The following ZNF804B variants were observed in gnomAD, a reference collection of about 807,000 sequenced individuals.
ZNF804B encodes zinc finger 804B.
A neutral mutation model predicts 101.4 loss-of-function variants in ZNF804B; 80 were observed. That is an observed-to-expected ratio of 0.79 (90% confidence interval 0.66 to 0.95). ZNF804B has a LOEUF of 0.95. ZNF804B is among the 40% of genes least tolerant of loss of function. The pLI, the probability that ZNF804B is intolerant of heterozygous loss-of-function variation, is 0.00. For synonymous variants in ZNF804B, 622 were observed against 558.8 expected (o/e 1.11, Z -1.59); for missense variants, 1,673 against 1,561.9 (o/e 1.07, Z -1.20).
intron 1 of ZNF804B, among the ~76,000 whole-genome samples, chr7:88,896,397 T>C (rs935576791): frequency 6.6e-6 from 1 of 152,142 alleles, no homozygotes; most frequent in African/African-American, 2.4e-5. Context: ...CTCATTTGCA[T>C]AGAAAATAAA....
At chr7:89,198,193 T>A (rs1015033506) in intron 1 of ZNF804B, among the ~76,000 whole-genome samples, 1 of 151,882 alleles carries the variant, frequency 6.6e-6, no homozygotes, top group African/African-American at 2.4e-5. Flanking sequence ...ATGGGGATAG[T>A]TTATGGAAAT....
chr7:88,975,896 T>G (rs1207760069), intron 1 of ZNF804B, among the ~76,000 whole-genome samples: 1 of 151,672 alleles, frequency 6.6e-6, no homozygotes, highest in Non-Finnish European at 1.5e-5. Flanking sequence ...TTTTAGTAGT[T>G]TAATAGTTTG....
chr7:88,916,060 A>G (rs1472920625), intron 1 of ZNF804B, among the ~76,000 whole-genome samples: 1 of 152,080 alleles, frequency 6.6e-6, no homozygotes, highest in Non-Finnish European at 1.5e-5. Context: ...GGGCTTAAAA[A>G]AAATATTGAT....
intron 1 of ZNF804B, among the ~76,000 whole-genome samples, chr7:88,915,937 T>G (rs763066772): frequency 2.6e-5 from 4 of 151,996 alleles, no homozygotes; most frequent in Non-Finnish European, 4.4e-5. Flanking sequence ...TTTAGTTAAG[T>G]CATATTAATG....
intron 1 of ZNF804B, among the ~76,000 whole-genome samples, chr7:89,183,850 C>T (rs1018944222): frequency 1.3e-5 from 2 of 152,192 alleles, no homozygotes; most frequent in Non-Finnish European, 2.9e-5. Context: ...AGGATCTTGT[C>T]GGGAGGCATG....
intron 1 of ZNF804B, among the ~76,000 whole-genome samples, chr7:89,019,297 C>A (rs1343989804): frequency 1.3e-5 from 2 of 151,828 alleles, no homozygotes; most frequent in Non-Finnish European, 2.9e-5. Flanking sequence ...TTCAGATATT[C>A]CTCTTGGTAT....
chr7:88,862,791 A>T (rs147229545), intron 1 of ZNF804B, among the ~76,000 whole-genome samples: 1 of 150,700 alleles, frequency 6.6e-6, no homozygotes. Context: ...TTACGCTGTC[A>T]TTTTTTTTTA....
intron 1 of ZNF804B, among the ~76,000 whole-genome samples, chr7:88,881,778 G>T (rs1339537833): frequency 6.6e-6 from 1 of 152,054 alleles, no homozygotes; most frequent in Non-Finnish European, 1.5e-5. Flanking sequence ...GAAGATGTTG[G>T]TCTTGTTAAG....
chr7:89,170,544 G>A (rs1791207588), intron 1 of ZNF804B, among the ~76,000 whole-genome samples: 3 of 152,118 alleles, frequency 2.0e-5, no homozygotes, highest in Admixed American at 6.5e-5. Context: ...GAGAAGTATT[G>A]GACAGTCTAC....
At chr7:88,943,925 A>G (rs949633692) in intron 1 of ZNF804B, among the ~76,000 whole-genome samples, 1 of 151,718 alleles carries the variant, frequency 6.6e-6, no homozygotes, top group Non-Finnish European at 1.5e-5. Flanking sequence ...CATTCATTTC[A>G]TCGTATGTAT....
intron 1 of ZNF804B, among the ~76,000 whole-genome samples, chr7:89,057,489 G>T (rs1283693111): frequency 1.6e-5 from 2 of 121,228 alleles, no homozygotes; most frequent in East Asian, 4.5e-4. Context: ...GGAAAGCAAG[G>T]AAAAACCCTC....
intron 1 of ZNF804B, among the ~76,000 whole-genome samples, chr7:89,089,047 C>CTT (rs71297109): frequency 2.7e-5 from 4 of 145,992 alleles, no homozygotes; most frequent in African/African-American, 7.7e-5. Flanking sequence ...CCTTTTTTTC[C>CTT]TTTTTTTTTC....
intron 1 of ZNF804B, among the ~76,000 whole-genome samples, chr7:89,127,723 A>T (rs962223192): frequency 6.6e-6 from 1 of 151,512 alleles, no homozygotes; most frequent in Non-Finnish European, 1.5e-5. Context: ...ATCTGTCTTA[A>T]ATATAATTAA....
Position 89,335,298 on chromosome 7 carries a change from C to T in ZNF804B, c.2316C>T (p.Ser772=). The T allele has an allele frequency of 3.7e-6, 6 of 1,613,646 alleles. No individual in the cohort carries two copies. The highest frequency in any genetic ancestry group is 5.1e-6 in the Non-Finnish European group (6 of 1,179,934). The change falls in exon 4 of 4, where the codon AGC becomes AGT. Residue 772 remains serine (S), a synonymous_variant. Coordinates refer to ENST00000333190, the MANE Select transcript of ZNF804B (RefSeq NM_181646.5). The stretch of plus-strand genomic sequence containing the variant: ...ACTTGTCTGATGATATAACAAAGAG[C>T]AGCCAAATGCAGTCTGAACCACAGA... The part of the protein sequence containing the change: ...CFYLSDDITK[S]SQMQSEPQKE...
chr7:89,176,074 T>A (rs936615873), intron 1 of ZNF804B, among the ~76,000 whole-genome samples: 1 of 151,948 alleles, frequency 6.6e-6, no homozygotes, highest in African/African-American at 2.4e-5. Context: ...ATTGCTCTAA[T>A]TAGGACTTCC....
rs946640760 is a variant in ZNF804B, at chr7:88,759,731, C to T, written c.-246C>T. ...CTCGTCAGAGCAGCATGTGGACTGG[C>T]TCGCCGGGTCCCCTCCGTGCTCTGT... On this transcript the variant is annotated 5_prime_UTR_variant, in exon 1 of 4. Transcript: ENST00000333190. The T allele has an allele frequency of 4.5e-5, 24 of 536,794 alleles. No homozygotes were observed. Among genetic ancestry groups the T allele is most frequent in the Non-Finnish European group, 7.7e-5 (23 of 298,042 alleles). The allele number at this position is 536,794 out of a possible 1,614,324, so 33.3% of individuals were successfully genotyped here.
chr7:89,231,088 T>C (rs1406352317), intron 2 of ZNF804B, among the ~76,000 whole-genome samples: 1 of 152,100 alleles, frequency 6.6e-6, no homozygotes, highest in Non-Finnish European at 1.5e-5. Flanking sequence ...AGTTTCCTAA[T>C]ATAGGTCTAT....
Position 89,334,255 on chromosome 7 carries a change from C to T in ZNF804B, c.1273C>T (p.Gln425Ter). The T allele has an allele frequency of 6.2e-7, 1 of 1,613,602 alleles. No individual in the cohort carries two copies. The highest frequency in any genetic ancestry group is 8.5e-7 in the Non-Finnish European group (1 of 1,179,784). The stretch of plus-strand genomic sequence containing the variant: ...AACAGAAAGAGTTAGCAAAAATGTT[C>T]AAAGACTTGTAAAAGAAGCATGTAC... ...DKTERVSKNV[Q>*]RLVKEACTHN... Residue 425 changes from glutamine to a stop codon, truncating the protein, a stop_gained, in exon 4 of 4, where the codon CAA (glutamine) becomes TAA (stop). Coordinates refer to ENST00000333190, the MANE Select transcript of ZNF804B (RefSeq NM_181646.5). LOFTEE classifies it high-confidence loss of function.
At chr7:88,771,686 G>T (rs918394354) in intron 1 of ZNF804B, among the ~76,000 whole-genome samples, 1 of 152,048 alleles carries the variant, frequency 6.6e-6, no homozygotes, top group African/African-American at 2.4e-5. Context: ...ATGGATTTAT[G>T]CTAATAAAAC....
Sources: gnomAD v4.1 joint callset for allele counts (sites outside exome capture counted in the v4.1 genomes callset) on GRCh38, gnomAD v4.1.1 for gene constraint, MANE v1.5 for transcripts, NCBI Gene and HGNC (gene_info 2026-07-23, HGNC 2026-07-21) for gene names.